AGMO: variants seen among roughly 807,000 people sequenced by gnomAD.
AGMO encodes alkylglycerol monooxygenase.
Under a neutral mutation model 60.2 loss-of-function variants are expected in AGMO, and 75 were observed. That is an observed-to-expected ratio of 1.25 (90% CI 1.03 to 1.51). The LOEUF (loss-of-function observed/expected upper bound fraction) is 1.51. AGMO is among the 40% of genes most tolerant of loss of function. AGMO has a pLI of 0.00. For synonymous variants in AGMO, 261 were observed against 177.1 expected (o/e 1.47, Z -3.76); for missense variants, 763 against 525.5 (o/e 1.45, Z -4.42).
chr7:15,202,361 A>G (rs1232192488), intron 12 of AGMO, among the ~76,000 whole-genome samples: 1 of 150,494 alleles, frequency 6.6e-6, no homozygotes, highest in Non-Finnish European at 1.5e-5. Flanking sequence ...AACTGAGGAC[A>G]GCTGTTAACT....
At chr7:15,139,839 G>T in the AGMO span, among the ~76,000 whole-genome samples, 12 of 127,878 alleles carry the variant, frequency 9.4e-5, no homozygotes, top group East Asian at 2.4e-3. Context: ...AAAAAAAAAA[G>T]AATAATACAG....
At chr7:15,559,303 G>T (rs1785238499) in intron 2 of AGMO, among the ~76,000 whole-genome samples, 1 of 152,090 alleles carries the variant, frequency 6.6e-6, no homozygotes, top group African/African-American at 2.4e-5. Flanking sequence ...GAAGGGCTGA[G>T]AGAAAAACAG....
intron 12 of AGMO, among the ~76,000 whole-genome samples, chr7:15,270,192 T>A (rs1054015720): frequency 6.6e-6 from 1 of 152,122 alleles, no homozygotes; most frequent in Non-Finnish European, 1.5e-5. Flanking sequence ...CTCCACACTG[T>A]TTTTCATAGA....
At chr7:15,512,014 A>C (rs367996729) in intron 3 of AGMO, among the ~76,000 whole-genome samples, 3,068 of 146,578 alleles carry the variant, frequency 0.021, 97 homozygotes, top group African/African-American at 0.071. Flanking sequence ...AATACACACA[A>C]AAAAAAAAAA....
At chr7:15,329,624 T>A (rs1477361521) in intron 12 of AGMO, among the ~76,000 whole-genome samples, 1 of 152,256 alleles carries the variant, frequency 6.6e-6, no homozygotes, top group Admixed American at 6.5e-5. Context: ...CATTTACTGA[T>A]ACTAAAGGCG....
chr7:15,405,654 T>C (rs1260106802), intron 5 of AGMO, among the ~76,000 whole-genome samples: 1 of 151,972 alleles, frequency 6.6e-6, no homozygotes, highest in East Asian at 1.9e-4. Flanking sequence ...TGTTCCTAAC[T>C]ATGAGCTTTA....
At chr7:15,520,662 C>T (rs1035749197) in intron 3 of AGMO, among the ~76,000 whole-genome samples, 1 of 152,148 alleles carries the variant, frequency 6.6e-6, no homozygotes, top group African/African-American at 2.4e-5. Context: ...AGAACAAAGA[C>T]ACAACATACC....
At chr7:15,534,327 T>C (rs2128543865) in intron 3 of AGMO, among the ~76,000 whole-genome samples, 1 of 152,086 alleles carries the variant, frequency 6.6e-6, no homozygotes, top group South Asian at 2.1e-4. Context: ...TTCATGTAAA[T>C]CTTTAAAATA....
intron 12 of AGMO, among the ~76,000 whole-genome samples, chr7:15,232,560 A>C (rs945494907): frequency 2.6e-5 from 4 of 152,184 alleles, no homozygotes; most frequent in African/African-American, 9.7e-5. Context: ...TCAGTTAATG[A>C]ATGTCAAAGT....
At chr7:15,368,870 C>G (rs1783090758) in intron 10 of AGMO, among the ~76,000 whole-genome samples, 2 of 152,138 alleles carry the variant, frequency 1.3e-5, no homozygotes, top group South Asian at 4.1e-4. Context: ...CTACTGGACT[C>G]AGAGTGGAAA....
intron 12 of AGMO, among the ~76,000 whole-genome samples, chr7:15,309,240 T>C (rs1020615641): frequency 1.3e-5 from 2 of 152,192 alleles, no homozygotes; most frequent in Admixed American, 6.6e-5. Context: ...TTATCCTTAC[T>C]GAGCAGTTTT....
chr7:15,272,443 T>TA lies in AGMO; in HGVS notation c.1264-71085dup, dbSNP rs1284556728. ...TAGTTTCCAGCTTCATCCATGTCCC[T>TA]ACAAAGGACATGAACTCATCATTTT... On this transcript the variant is annotated intron_variant, in intron 12 of 12. Coordinates refer to ENST00000342526, the MANE Select transcript of AGMO (RefSeq NM_001004320.2). 1.2e-4 allele frequency among the ~76,000 whole-genome samples: 19 copies of TA among 152,090 alleles called. No individual in the cohort carries two copies. In the East Asian group the frequency reaches 3.5e-3, roughly 28 times the overall value.
At chr7:15,199,986 T>C (rs1781231999), downstream of AGMO, among the ~76,000 whole-genome samples, 1 of 152,156 alleles carries the variant, frequency 6.6e-6, no homozygotes, top group Non-Finnish European at 1.5e-5. Flanking sequence ...TATATTTTTG[T>C]CCATTCAAAG....
chr7:15,202,072 C>A (rs960125160), intron 12 of AGMO, among the ~76,000 whole-genome samples: 117 of 152,150 alleles, frequency 7.7e-4, no homozygotes, highest in African/African-American at 2.6e-3. Flanking sequence ...TTCCTGATCA[C>A]CATTTTAGGT....
At chr7:15,342,669 A>G (rs973426834) in intron 12 of AGMO, among the ~76,000 whole-genome samples, 1 of 150,914 alleles carries the variant, frequency 6.6e-6, no homozygotes, top group Non-Finnish European at 1.5e-5. Context: ...GTGTGTGTGT[A>G]AAAGCTTGTT....
rs545988102 is a variant in AGMO at position 15,418,101 on chromosome 7, A to G, written c.609+457T>C. On this transcript the variant is annotated intron_variant, in intron 5 of 12. Transcript: ENST00000342526. Reference sequence around the variant, plus strand: ...ATTTTAAATAAAATTTAATCTCTGTAGTTAGAGCAAGTTTTCCAATCAAAA... The same window carrying G: ...ATTTTAAATAAAATTTAATCTCTGTGGTTAGAGCAAGTTTTCCAATCAAAA... 9.9e-5 allele frequency among the ~76,000 whole-genome samples: 15 copies of G among 152,212 alleles called. No homozygotes were observed. In the South Asian group the frequency reaches 3.1e-3, roughly 32 times the overall value.
In AGMO at chr7:15,544,868, T is replaced by C; in HGVS notation, c.313A>G (p.Arg105Gly). The C allele has an allele frequency of 6.2e-7, 1 of 1,602,656 alleles. No homozygotes were observed. The highest frequency in any genetic ancestry group is 2.3e-5 in the East Asian group (1 of 44,190). Residue 105 changes from arginine (R) to glycine (G), a missense_variant, in exon 3 of 13, where the codon AGG becomes GGG. Coordinates refer to ENST00000342526, the MANE Select transcript of AGMO (RefSeq NM_001004320.2). Reference protein sequence around the residue: ...TSYIYIWENYRLFNLPWDSPW... With the variant: ...TSYIYIWENYGLFNLPWDSPW... ...GAATCCCAAGGCAAATTGAACAGCC[T>C]GTAGTTCTCCCAGATATAAATATAA...
At chr7:15,432,680 T>C (rs532353041) in intron 3 of AGMO, among the ~76,000 whole-genome samples, 1 of 152,020 alleles carries the variant, frequency 6.6e-6, no homozygotes, top group South Asian at 2.1e-4. Context: ...GGTTGGTGAT[T>C]TAATTATTTT....
intron 12 of AGMO, among the ~76,000 whole-genome samples, chr7:15,347,260 T>G (rs1782067944): frequency 1.3e-5 from 2 of 152,088 alleles, no homozygotes; most frequent in Non-Finnish European, 2.9e-5. Flanking sequence ...TTCCTGGCTC[T>G]TCACTAACCG....
Sources: allele counts gnomAD v4.1 joint callset (sites outside exome capture counted in the v4.1 genomes callset), GRCh38; gene constraint gnomAD v4.1.1; transcripts MANE v1.5; gene names NCBI Gene and HGNC (gene_info 2026-07-23, HGNC 2026-07-21).